Variants in AUH observed in about 807,000 individuals in gnomAD.
AUH encodes the protein methylglutaconyl-CoA hydratase, mitochondrial.
In AUH, 29 loss-of-function variants were observed where a neutral mutation model predicts 42.3. The observed-to-expected ratio is 0.69, with a 90% CI of 0.51 to 0.93. The LOEUF (loss-of-function observed/expected upper bound fraction) is 0.93. Among genes scored for constraint, AUH ranks in the 40% least tolerant of loss-of-function variants. AUH has a pLI of 0.00. For missense variants in AUH, 452 were observed against 438.1 expected (o/e 1.03, Z -0.28); for synonymous variants, 174 against 166.4 (o/e 1.05, Z -0.35).
In AUH at chr9:91,249,206, G is replaced by T. The variant is rs547048698; in HGVS notation, c.656-28214C>A. Among the ~76,000 whole-genome samples the T allele has an allele frequency of 1.3e-4, 20 of 149,922 alleles. No individual in the cohort carries two copies. The South Asian group carries it at 4.2e-3, about 32-fold the overall frequency. Reference sequence around the variant, plus strand: ...CAGCTACTTGGGGGGCTAAGGTGGGGGGATCACCTGAGCCTGGGAGATTGA... The same window carrying T: ...CAGCTACTTGGGGGGCTAAGGTGGGTGGATCACCTGAGCCTGGGAGATTGA... On this transcript the variant is annotated intron_variant, in intron 6 of 9. Transcript: ENST00000375731.
chr9:91,227,391 C>T (rs373166735), intron 6 of AUH, among the ~76,000 whole-genome samples: 1,461 of 121,892 alleles, frequency 0.012, 16 homozygotes, highest in Non-Finnish European at 0.02. Context: ...GTGATTTTTG[C>T]ACATTGATTT....
chr9:91,295,250 C>T (rs1827231122), intron 6 of AUH, among the ~76,000 whole-genome samples: 1 of 152,106 alleles, frequency 6.6e-6, no homozygotes, highest in African/African-American at 2.4e-5. Flanking sequence ...ATTACCCAGT[C>T]TCGCATATGT....
intron 3 of AUH, among the ~76,000 whole-genome samples, chr9:91,346,860 T>TAAA (rs79801569): frequency 0.026 from 3,405 of 130,390 alleles, 66 homozygotes; most frequent in East Asian, 0.067. Context: ...ACTCAGAATT[T>TAAA]AAAAAAAAAA....
intron 6 of AUH, among the ~76,000 whole-genome samples, chr9:91,262,929 G>A (rs1587718634): frequency 6.6e-6 from 1 of 152,142 alleles, no homozygotes; most frequent in Non-Finnish European, 1.5e-5. Context: ...TCACTTACAG[G>A]CCACAAAAGT....
At chr9:91,228,197 T>C (rs1462119368) in intron 6 of AUH, among the ~76,000 whole-genome samples, 1 of 152,154 alleles carries the variant, frequency 6.6e-6, no homozygotes, top group Non-Finnish European at 1.5e-5. Flanking sequence ...CTCTTTTTGG[T>C]TGGTAAGCTA....
intron 6 of AUH, among the ~76,000 whole-genome samples, chr9:91,279,937 T>C (rs965527856): frequency 6.6e-6 from 1 of 152,232 alleles, no homozygotes; most frequent in South Asian, 2.1e-4. Flanking sequence ...AGCTTAACTC[T>C]ATTATTCCAA....
At chr9:91,335,917 A>G (rs1256170678) in intron 3 of AUH, among the ~76,000 whole-genome samples, 2 of 152,280 alleles carry the variant, frequency 1.3e-5, no homozygotes, top group South Asian at 2.1e-4. Context: ...GCAGATGGCT[A>G]ATTTTCATAA....
chr9:91,284,382 C>G (rs1038227231), intron 6 of AUH, among the ~76,000 whole-genome samples: 14 of 152,234 alleles, frequency 9.2e-5, no homozygotes, highest in African/African-American at 3.4e-4. Context: ...CTAGGCAATA[C>G]CATTCAGGAT....
chr9:91,230,721 G>C (rs1462237161), intron 6 of AUH, among the ~76,000 whole-genome samples: 1 of 152,114 alleles, frequency 6.6e-6, no homozygotes, highest in Non-Finnish European at 1.5e-5. Context: ...GTGATGTACA[G>C]ATGGGTTTTT....
In AUH at chr9:91,355,888, C is replaced by G. The variant is rs1417411959; in HGVS notation, c.413G>C (p.Cys138Ser). Residue 138 changes from cysteine (C) to serine (S), a missense_variant, in exon 3 of 10, where the codon TGT becomes TCT. Coordinates refer to ENST00000375731, the MANE Select transcript of AUH (RefSeq NM_001698.3). ...IIRSEVPGIF[C>S]AGADLKERAK... is the part of the protein sequence containing the mutation. ...AATACAACATATTTACATACCAGCA[C>G]AGAATATCCCTGGGACTTCACTCCT... The G allele has an allele frequency of 3.7e-6, 6 of 1,607,678 alleles. No individual in the cohort carries two copies. The Admixed American group carries it at 5.0e-5, about 13-fold the overall frequency.
chr9:91,278,892 C>T (rs1825748514), intron 6 of AUH, among the ~76,000 whole-genome samples: 1 of 152,050 alleles, frequency 6.6e-6, no homozygotes, highest in Non-Finnish European at 1.5e-5. Context: ...AGGAAAAGAA[C>T]CCAGGCAAAG....
chr9:91,330,606 G>A (rs1830258359), intron 3 of AUH, among the ~76,000 whole-genome samples: 1 of 152,270 alleles, frequency 6.6e-6, no homozygotes, highest in East Asian at 1.9e-4. Flanking sequence ...AAAAATGCAT[G>A]ATGTGTACTA....
intron 3 of AUH, among the ~76,000 whole-genome samples, chr9:91,346,025 G>A (rs1034079025): frequency 6.6e-6 from 1 of 151,968 alleles, no homozygotes; most frequent in Non-Finnish European, 1.5e-5. Context: ...AAAATACTTC[G>A]TCGTTTTTAT....
intron 3 of AUH, among the ~76,000 whole-genome samples, chr9:91,349,531 C>T (rs979254780): frequency 6.6e-6 from 1 of 152,132 alleles, no homozygotes; most frequent in African/African-American, 2.4e-5. Flanking sequence ...TTACATCCAA[C>T]GCAGCAGCCC....
intron 6 of AUH, among the ~76,000 whole-genome samples, chr9:91,288,706 T>C (rs1705266): frequency 6.6e-6 from 1 of 152,190 alleles, no homozygotes; most frequent in East Asian, 1.9e-4. Context: ...AGGTTCGATT[T>C]TGTTTTAATG....
chr9:91,360,647 A>C (rs2132117220), intron 1 of AUH, among the ~76,000 whole-genome samples: 1 of 152,328 alleles, frequency 6.6e-6, no homozygotes, highest in East Asian at 1.9e-4. Context: ...AATGCCTTGG[A>C]ACCCCTTTCA....
At chr9:91,267,549 T>C (rs2131484442) in intron 6 of AUH, among the ~76,000 whole-genome samples, 1 of 152,294 alleles carries the variant, frequency 6.6e-6, no homozygotes, top group East Asian at 1.9e-4. Context: ...GGGCCGCATC[T>C]GCTTGCCCCT....
At chr9:91,219,673 T>C (rs1355948643) in intron 7 of AUH, among the ~76,000 whole-genome samples, 1 of 152,176 alleles carries the variant, frequency 6.6e-6, no homozygotes, top group Non-Finnish European at 1.5e-5. Flanking sequence ...GCTCCTAAGT[T>C]AATTAAGAAG....
intron 3 of AUH, among the ~76,000 whole-genome samples, chr9:91,327,078 G>A (rs1830011839): frequency 1.3e-5 from 2 of 151,930 alleles, no homozygotes; most frequent in Admixed American, 6.6e-5. Flanking sequence ...CCCTCTCCAC[G>A]AATCTTAAAA....
Sources: gnomAD v4.1 joint callset for allele counts (sites outside exome capture counted in the v4.1 genomes callset) on GRCh38, gnomAD v4.1.1 for gene constraint, MANE v1.5 for transcripts, NCBI Gene and HGNC (gene_info 2026-07-23, HGNC 2026-07-21) for gene names.